ITGB5: variants seen among roughly 807,000 people sequenced by gnomAD.
The protein encoded by ITGB5 is integrin subunit beta 5, also known as integrin beta-5.
ITGB5 carries 38 observed loss-of-function variants against 84.8 expected under a neutral mutation model. The observed-to-expected ratio is 0.45, with a 90% CI of 0.35 to 0.59. The LOEUF (loss-of-function observed/expected upper bound fraction) is 0.59. Among genes scored for constraint, ITGB5 ranks in the 20% least tolerant of loss-of-function variants. ITGB5 has a pLI of 0.01. For synonymous variants in ITGB5, 393 were observed against 414.4 expected, an observed-to-expected ratio of 0.95 and a Z score of 0.63; for missense variants, 905 against 1,034.5, an observed-to-expected ratio of 0.87 and a Z score of 1.72.
At chr3:124,879,412 C>A (rs767613908) in intron 1 of ITGB5, among the ~76,000 whole-genome samples, 2 of 152,260 alleles carry the variant, frequency 1.3e-5, no homozygotes, top group Non-Finnish European at 2.9e-5. Context: ...CTTCTCCCCA[C>A]ACCCTGAACC....
upstream of ITGB5, among the ~76,000 whole-genome samples, chr3:124,890,014 CTCAA>C (rs150213602): frequency 6.6e-5 from 10 of 151,652 alleles, no homozygotes; most frequent in East Asian, 1.9e-4. Context: ...GAGACTCTGT[CTCAA>C]TCAATCAATC....
At chr3:124,788,617 G>C (rs2064115677) in intron 10 of ITGB5, among the ~76,000 whole-genome samples, 2 of 152,182 alleles carry the variant, frequency 1.3e-5, no homozygotes, top group Non-Finnish European at 1.5e-5. Context: ...GGCCCTCACT[G>C]TCATGTACAT....
chr3:124,894,472 T>A (rs1935063442), intron 1 of ITGB5: 2 of 152,292 alleles, frequency 1.3e-5, no homozygotes, highest in African/African-American at 4.8e-5. Context: ...TTGTTTTATT[T>A]TATTTTTTTC....
At chr3:124,800,754 C>A (rs1190286625) in intron 9 of ITGB5, among the ~76,000 whole-genome samples, 1 of 152,260 alleles carries the variant, frequency 6.6e-6, no homozygotes, top group Non-Finnish European at 1.5e-5. Flanking sequence ...ATTTTCCCTA[C>A]TGGATTTGGA....
In ITGB5 at chr3:124,762,143, T is replaced by C. The variant is rs2063706024; in HGVS notation, c.*1480A>G. 1 of 152,220 alleles carries C rather than the reference T, an allele frequency of 6.6e-6. No homozygotes were observed. The highest frequency in any genetic ancestry group is 2.1e-4 in the South Asian group (1 of 4,830). The allele number at this position is 152,220 out of a possible 1,614,324, so 9.4% of individuals were successfully genotyped here. On this transcript the variant is annotated 3_prime_UTR_variant, in exon 15 of 15. Transcript: ENST00000296181. ...ATCTGTTCGTATTTGCCCCAGGTAA[T>C]AGGTTCTATGTAGTGACAGGCATTT... is the stretch of plus-strand genomic sequence containing the variant.
intron 8 of ITGB5, among the ~76,000 whole-genome samples, chr3:124,812,698 A>G (rs1382275826): frequency 6.6e-6 from 1 of 152,246 alleles, no homozygotes; most frequent in Non-Finnish European, 1.5e-5. Context: ...GATTTCTCAC[A>G]GTGAAGAATT....
intron 3 of ITGB5, among the ~76,000 whole-genome samples, chr3:124,850,484 C>T (rs982302878): frequency 2.6e-4 from 35 of 136,598 alleles, no homozygotes; most frequent in Middle Eastern, 4.6e-3. Flanking sequence ...CTGTTCTAGG[C>T]GCCTCAGGAT....
chr3:124,764,636 A>G (rs2063741867), intron 13 of ITGB5, 79 bp from the exon 14 acceptor site: 2 of 1,446,082 alleles, frequency 1.4e-6, no homozygotes, highest in Admixed American at 2.0e-5. Context: ...CATTTCTGAG[A>G]TGAAAGTTGC....
chr3:124,790,712 CTT>C (rs377759349), intron 10 of ITGB5, among the ~76,000 whole-genome samples: 2 of 146,444 alleles, frequency 1.4e-5, no homozygotes, highest in Non-Finnish European at 1.5e-5. Context: ...TCTTCTTGTT[CTT>C]TTTTTTTTTG....
At chr3:124,871,865 T>C (rs1344896072) in intron 2 of ITGB5, among the ~76,000 whole-genome samples, 1 of 150,468 alleles carries the variant, frequency 6.6e-6, no homozygotes, top group Non-Finnish European at 1.5e-5. Flanking sequence ...AATAAATAAA[T>C]AAATAAATAA....
At chr3:124,794,853 G>A (rs2064199074) in intron 10 of ITGB5, among the ~76,000 whole-genome samples, 2 of 151,614 alleles carry the variant, frequency 1.3e-5, no homozygotes, top group Admixed American at 1.3e-4. Flanking sequence ...AGGAGGAGAA[G>A]GAGAAGAAGA....
Position 124,768,995 on chromosome 3 carries a change from T to C in ITGB5, c.2017+18A>G. 2 of 1,592,068 alleles carry C rather than the reference T, an allele frequency of 1.3e-6. No homozygotes were observed. The highest frequency in any genetic ancestry group is 2.0e-4 in the Middle Eastern group (1 of 4,982). On this transcript the variant is annotated intron_variant, in intron 12 of 14. Transcript: ENST00000296181. ...AGGAGAAAAACCGTGACTGCCCGGG[T>C]GGTGGCAGCACACTCACCGATGGTG...
intron 1 of ITGB5, among the ~76,000 whole-genome samples, chr3:124,880,208 T>G (rs1934506997): frequency 6.6e-6 from 1 of 152,160 alleles, no homozygotes; most frequent in South Asian, 2.1e-4. Context: ...ACATGACAAC[T>G]CAATGTATTG....
At chr3:124,826,882 G>A (rs2064791079) in intron 5 of ITGB5, among the ~76,000 whole-genome samples, 1 of 152,188 alleles carries the variant, frequency 6.6e-6, no homozygotes, top group Admixed American at 6.5e-5. Context: ...AACAAACTTG[G>A]CCCAGAGGTT....
At chr3:124,838,233 T>C (rs533027920) in intron 5 of ITGB5, among the ~76,000 whole-genome samples, 2 of 151,776 alleles carry the variant, frequency 1.3e-5, no homozygotes, top group South Asian at 2.1e-4. Flanking sequence ...ATCATACTTA[T>C]TCACTGTGGA....
At chr3:124,894,881 C>T (rs1053366260) in intron 1 of ITGB5, among the ~76,000 whole-genome samples, 1 of 152,068 alleles carries the variant, frequency 6.6e-6, no homozygotes, top group Non-Finnish European at 1.5e-5. Context: ...TCTTGGGCCA[C>T]ACATAAAATA....
chr3:124,788,458 C>G (rs888126326), intron 10 of ITGB5, among the ~76,000 whole-genome samples: 1 of 152,192 alleles, frequency 6.6e-6, no homozygotes, highest in Non-Finnish European at 1.5e-5. Flanking sequence ...AAGGAACATG[C>G]ATTGTCCTTA....
intron 9 of ITGB5, among the ~76,000 whole-genome samples, chr3:124,800,572 A>G (rs1298629306): frequency 3.3e-5 from 5 of 152,196 alleles, no homozygotes; most frequent in Admixed American, 3.3e-4. Flanking sequence ...GTGAGGTGCT[A>G]TCTGTCTGGC....
chr3:124,897,132 G>A lies in ITGB5; in HGVS notation c.-255+4134C>T, dbSNP rs530038037. Reference sequence around the variant, plus strand: ...AAAGGCCCTATCCCTGATCTTTTCTGACTGGTAAACTCCTATTTGTCTTTT... The same window carrying A: ...AAAGGCCCTATCCCTGATCTTTTCTAACTGGTAAACTCCTATTTGTCTTTT... On this transcript the variant is annotated intron_variant, in intron 1 of 4. Transcript: ENST00000608657. Among the ~76,000 whole-genome samples the A allele has an allele frequency of 1.3e-4, 20 of 152,264 alleles. No homozygotes were observed. In the South Asian group the frequency reaches 4.1e-3, roughly 32 times the overall value.
Sources: gnomAD v4.1 joint callset for allele counts (sites outside exome capture counted in the v4.1 genomes callset) on GRCh38, gnomAD v4.1.1 for gene constraint, MANE v1.5 for transcripts, NCBI Gene and HGNC (gene_info 2026-07-23, HGNC 2026-07-21) for gene names.